GPC5: variants seen among roughly 807,000 people sequenced by gnomAD.
The protein encoded by GPC5 is glypican-5.
GPC5 carries 47 observed loss-of-function variants against 53.9 expected under a neutral mutation model. That is an observed-to-expected ratio of 0.87 (90% CI 0.69 to 1.11). The LOEUF (loss-of-function observed/expected upper bound fraction) is 1.11, where lower values mean the gene tolerates loss of function less well. Ranked by LOEUF, GPC5 falls within the 50% of genes most tolerant of loss-of-function variation. GPC5 has a pLI of 0.00. For missense variants in GPC5, 748 were observed against 713.1 expected (o/e 1.05, Z -0.56); for synonymous variants, 286 against 263.3 (o/e 1.09, Z -0.84).
At chr13:91,946,968 A>G (rs1314695654) in intron 6 of GPC5, among the ~76,000 whole-genome samples, 1 of 151,986 alleles carries the variant, frequency 6.6e-6, no homozygotes, top group Non-Finnish European at 1.5e-5. Flanking sequence ...CTTGTGTCTT[A>G]CTTTGTGCTA....
At chr13:92,148,694 C>A (rs1211220517) in intron 7 of GPC5, among the ~76,000 whole-genome samples, 1 of 152,016 alleles carries the variant, frequency 6.6e-6, no homozygotes, top group Admixed American at 6.6e-5. Context: ...TTAAAAGTCG[C>A]CTCACCCCTT....
At chr13:91,677,927 A>G (rs2035420451) in intron 2 of GPC5, among the ~76,000 whole-genome samples, 1 of 152,184 alleles carries the variant, frequency 6.6e-6, no homozygotes, top group Non-Finnish European at 1.5e-5. Flanking sequence ...GTATTTTCTG[A>G]TAAGAGCTAT....
chr13:91,549,090 G>A (rs547905569), intron 2 of GPC5, among the ~76,000 whole-genome samples: 5 of 152,170 alleles, frequency 3.3e-5, no homozygotes, highest in South Asian at 2.1e-4. Flanking sequence ...CCAATATGGT[G>A]AAATGCTGTC....
chr13:91,398,918 C>G lies in GPC5; in HGVS notation c.-129C>G. ...GTGAAGCCGGTGCCCGCGGGCGGTCCGTACACCCCGCAGCCGGCTCGCACC... is the reference window on the plus strand; with the variant it reads ...GTGAAGCCGGTGCCCGCGGGCGGTCGGTACACCCCGCAGCCGGCTCGCACC... On this transcript the variant is annotated 5_prime_UTR_variant, in exon 1 of 8. Coordinates refer to ENST00000377067, the MANE Select transcript of GPC5 (RefSeq NM_004466.6). The G allele has an allele frequency of 4.0e-6, 5 of 1,237,598 alleles. No individual in the cohort carries two copies. Among genetic ancestry groups the G allele is most frequent in the Non-Finnish European group, 5.4e-6 (5 of 922,796 alleles). The allele number at this position is 1,237,598 out of a possible 1,614,324, so 76.7% of individuals were successfully genotyped here.
chr13:92,772,375 T>G (rs530208695), intron 7 of GPC5, among the ~76,000 whole-genome samples: 3 of 152,212 alleles, frequency 2.0e-5, no homozygotes, highest in Non-Finnish European at 4.4e-5. Flanking sequence ...TTCCACCCAG[T>G]TGGCCTCCCT....
At chr13:91,909,754 A>G (rs1432191345) in intron 6 of GPC5, among the ~76,000 whole-genome samples, 2 of 152,090 alleles carry the variant, frequency 1.3e-5, no homozygotes, top group Admixed American at 6.6e-5. Context: ...ACACATAGAT[A>G]CCCAATATAA....
At chr13:92,418,685 C>T (rs1303242099) in intron 7 of GPC5, among the ~76,000 whole-genome samples, 2 of 152,022 alleles carry the variant, frequency 1.3e-5, no homozygotes, top group African/African-American at 4.8e-5. Context: ...AAGACTAACC[C>T]AGTGAATTTA....
intron 7 of GPC5, among the ~76,000 whole-genome samples, chr13:92,193,074 C>T (rs1447808254): frequency 2.6e-5 from 4 of 152,058 alleles, no homozygotes; most frequent in Non-Finnish European, 5.9e-5. Context: ...ACTCAGGAGG[C>T]TGAAGCAGGA....
At chr13:91,660,332 C>T (rs12583801) in intron 2 of GPC5, among the ~76,000 whole-genome samples, 1 of 152,098 alleles carries the variant, frequency 6.6e-6, no homozygotes, top group Non-Finnish European at 1.5e-5. Flanking sequence ...TGCCCATTGT[C>T]TAAATATTGA....
At chr13:92,661,769 T>C (rs1243863221) in intron 7 of GPC5, among the ~76,000 whole-genome samples, 1 of 152,228 alleles carries the variant, frequency 6.6e-6, no homozygotes, top group East Asian at 1.9e-4. Context: ...TATTGTCAAG[T>C]TGTTTTTCAT....
At chr13:92,339,444 A>T (rs1166505116) in intron 7 of GPC5, among the ~76,000 whole-genome samples, 5 of 152,118 alleles carry the variant, frequency 3.3e-5, no homozygotes, top group Non-Finnish European at 7.4e-5. Context: ...AGACGGGCTC[A>T]TCTTATCGCA....
chr13:92,684,288 T>C (rs1198889905), intron 7 of GPC5, among the ~76,000 whole-genome samples: 17 of 152,118 alleles, frequency 1.1e-4, no homozygotes, highest in Admixed American at 1.0e-3. Flanking sequence ...TTTTTGTTTT[T>C]GAGACGGAGT....
At chr13:91,578,400 G>A (rs1345784584) in intron 2 of GPC5, among the ~76,000 whole-genome samples, 2 of 152,130 alleles carry the variant, frequency 1.3e-5, no homozygotes, top group Admixed American at 6.5e-5. Context: ...GTAAATCACT[G>A]TTCATGTTTT....
chr13:92,777,945 AATG>A (rs1875878364), intron 7 of GPC5, among the ~76,000 whole-genome samples: 1 of 152,188 alleles, frequency 6.6e-6, no homozygotes, highest in African/African-American at 2.4e-5. Context: ...GACTAAATTA[AATG>A]ATGTTCCTTT....
intron 6 of GPC5, among the ~76,000 whole-genome samples, chr13:91,961,101 C>T (rs759526838): frequency 1.3e-5 from 2 of 151,770 alleles, no homozygotes; most frequent in South Asian, 2.1e-4. Flanking sequence ...AACAGAGTGA[C>T]GAGGCAAACT....
In GPC5 at chr13:92,485,517, A is replaced by G. The variant is rs149844372; in HGVS notation, c.1561+340528A>G. 2.4e-3 allele frequency among the ~76,000 whole-genome samples: 371 copies of G among 152,228 alleles called. 1 individual carries two copies. Among genetic ancestry groups the G allele is most frequent in the African/African-American group, 8.2e-3 (340 of 41,544 alleles). On this transcript the variant is annotated intron_variant, in intron 7 of 7. Transcript: ENST00000377067. ...GTAGAAAAAAAAATCACTTTCTTAT[A>G]TTTCTTCTGTTTCAATCACAGTCCA...
At chr13:91,948,999 G>A (rs2040001740) in intron 6 of GPC5, among the ~76,000 whole-genome samples, 1 of 152,062 alleles carries the variant, frequency 6.6e-6, no homozygotes, top group South Asian at 2.1e-4. Flanking sequence ...GCACCAGATG[G>A]TACTTAGCTC....
At chr13:92,163,612 C>A (rs1441573651) in intron 7 of GPC5, among the ~76,000 whole-genome samples, 1 of 152,058 alleles carries the variant, frequency 6.6e-6, no homozygotes, top group Non-Finnish European at 1.5e-5. Context: ...ACTTTAGCAT[C>A]TCTTTGTTAT....
At chr13:92,346,383 G>A (rs2043412610) in intron 7 of GPC5, among the ~76,000 whole-genome samples, 1 of 152,158 alleles carries the variant, frequency 6.6e-6, no homozygotes, top group Non-Finnish European at 1.5e-5. Flanking sequence ...AGCTCTTCCT[G>A]ACAGCAGAAT....
Sources: allele counts gnomAD v4.1 joint callset (sites outside exome capture counted in the v4.1 genomes callset), GRCh38; gene constraint gnomAD v4.1.1; transcripts MANE v1.5; gene names NCBI Gene and HGNC (gene_info 2026-07-23, HGNC 2026-07-21).